SDK1: variants seen among roughly 807,000 people sequenced by gnomAD.
SDK1 encodes the protein protein sidekick-1.
In SDK1, 157 loss-of-function variants were observed where a neutral mutation model predicts 245.5. The ratio of observed to expected loss-of-function variants is 0.64; its 90% CI spans 0.56 to 0.73. The LOEUF is 0.73. Ranked by LOEUF, SDK1 falls within the 30% of genes least tolerant of loss-of-function variation. The probability of loss-of-function intolerance (pLI) is 0.00; values close to 1 mark genes in which losing one functional copy is unlikely to be tolerated. For synonymous variants in SDK1, 1,647 were observed against 1,278.5 expected (o/e 1.29, Z -6.15); for missense variants, 3,583 against 3,002.3 (o/e 1.19, Z -4.52).
At chr7:3,686,047 A>T (rs1784272053) in intron 4 of SDK1, among the ~76,000 whole-genome samples, 2 of 151,490 alleles carry the variant, frequency 1.3e-5, no homozygotes, top group Admixed American at 6.6e-5. Context: ...AAAGTAAAAG[A>T]CTAGAAAATG....
At chr7:3,767,240 G>C (rs1031396181) in intron 4 of SDK1, among the ~76,000 whole-genome samples, 1 of 152,154 alleles carries the variant, frequency 6.6e-6, no homozygotes, top group Non-Finnish European at 1.5e-5. Context: ...AAGACCACTC[G>C]TGGCTGCAGA....
Position 3,312,190 on chromosome 7 carries a change from C to T in SDK1, c.298+10306C>T, listed in dbSNP as rs116988640. Among the ~76,000 whole-genome samples the T allele has an allele frequency of 2.2e-3, 332 of 152,242 alleles. 2 individuals are homozygous for T. The highest frequency in any genetic ancestry group is 3.7e-3 in the Non-Finnish European group (254 of 68,022). The stretch of plus-strand genomic sequence containing the variant: ...TTAACATTTCTTATAGTGCAACTAA[C>T]CTTCAAGCTGAGACAAATTAGCATA... On this transcript the variant is annotated intron_variant, in intron 1 of 44. Coordinates refer to ENST00000404826, the MANE Select transcript of SDK1 (RefSeq NM_152744.4).
At chr7:3,460,427 A>G (rs1421240694) in intron 1 of SDK1, among the ~76,000 whole-genome samples, 1 of 152,198 alleles carries the variant, frequency 6.6e-6, no homozygotes, top group African/African-American at 2.4e-5. Context: ...TGAATTAAGA[A>G]TTGTCTTTGG....
chr7:3,910,746 A>G (rs1425132260), intron 5 of SDK1, among the ~76,000 whole-genome samples: 3 of 152,202 alleles, frequency 2.0e-5, no homozygotes, highest in African/African-American at 7.2e-5. Context: ...TGAAAGGCCA[A>G]TTCTTGGGCC....
chr7:4,241,835 A>G lies in SDK1; in HGVS notation c.6173A>G (p.Asn2058Ser), dbSNP rs1786540403. 7 of 1,614,058 alleles carry G rather than the reference A, an allele frequency of 4.3e-6. No homozygotes were observed. The South Asian group carries it at 4.4e-5, about 10-fold the overall frequency. Residue 2058 changes from asparagine to serine, a missense_variant, in exon 43 of 45, where the codon AAC becomes AGC. Physicochemically the swap from Asn to Ser is conservative, Grantham distance 46. Coordinates refer to ENST00000404826, the MANE Select transcript of SDK1 (RefSeq NM_152744.4). ...ATGGAGGAGTCTGTGACCCTGGACA[A>G]CGGAGGATTTGCTGCCCTGGAGCTC... ...STMEESVTLD[N>S]GGFAALELSS...
At chr7:4,035,638 T>C (rs1193433665) in intron 17 of SDK1, among the ~76,000 whole-genome samples, 1 of 152,174 alleles carries the variant, frequency 6.6e-6, no homozygotes, top group African/African-American at 2.4e-5. Context: ...AAGTCTGAAT[T>C]GGGACTATAA....
At chr7:3,318,376 C>G (rs1046932153) in intron 1 of SDK1, among the ~76,000 whole-genome samples, 20 of 152,182 alleles carry the variant, frequency 1.3e-4, no homozygotes, top group Non-Finnish European at 4.4e-5. Context: ...GTTTCAGGTG[C>G]TCATTTGTAA....
intron 4 of SDK1, among the ~76,000 whole-genome samples, chr7:3,709,049 T>C (rs1045596415): frequency 3.9e-5 from 6 of 152,238 alleles, no homozygotes; most frequent in Non-Finnish European, 8.8e-5. Context: ...GCTATTATGC[T>C]TTCAAGAAGT....
At chr7:3,530,038 A>T (rs1202896942) in intron 1 of SDK1, among the ~76,000 whole-genome samples, 1 of 152,188 alleles carries the variant, frequency 6.6e-6, no homozygotes, top group Non-Finnish European at 1.5e-5. Context: ...GAGTTCTAAG[A>T]ATGTAGTAAC....
intron 1 of SDK1, among the ~76,000 whole-genome samples, chr7:3,420,653 G>C (rs1779510251): frequency 6.6e-6 from 1 of 152,146 alleles, no homozygotes; most frequent in South Asian, 2.1e-4. Context: ...ATTATAGCAA[G>C]TTGTTATTTT....
At chr7:3,804,029 G>T (rs1262853953) in intron 4 of SDK1, among the ~76,000 whole-genome samples, 2 of 152,150 alleles carry the variant, frequency 1.3e-5, no homozygotes, top group African/African-American at 4.8e-5. Flanking sequence ...CTCCCAAAGT[G>T]CTGGGATTAC....
Position 4,010,528 on chromosome 7 carries a change from C to T in SDK1, c.2132-438C>T, listed in dbSNP as rs1036328814. ...ACAGCCCATCTGTCTTTATCATGCTCATTTCCTCTTTTATTAAAATGTTAA... is the reference window on the plus strand; with the variant it reads ...ACAGCCCATCTGTCTTTATCATGCTTATTTCCTCTTTTATTAAAATGTTAA... On this transcript the variant is annotated intron_variant, in intron 14 of 44. Coordinates refer to ENST00000404826, the MANE Select transcript of SDK1 (RefSeq NM_152744.4). Among the ~76,000 whole-genome samples the T allele has an allele frequency of 2.0e-5, 3 of 152,198 alleles. 1 individual carries two copies. The highest frequency in any genetic ancestry group is 1.3e-4 in the Admixed American group (2 of 15,286).
At chr7:4,023,453 A>G (rs960610039) in intron 17 of SDK1, among the ~76,000 whole-genome samples, 5 of 152,216 alleles carry the variant, frequency 3.3e-5, no homozygotes, top group Non-Finnish European at 7.3e-5. Context: ...AAACTCCAAC[A>G]GACTCAGTTC....
Position 3,471,519 on chromosome 7 carries a change from A to T in SDK1, c.299-147561A>T, listed in dbSNP as rs185435516. Among the ~76,000 whole-genome samples, 585 of 152,288 alleles carry T rather than the reference A, an allele frequency of 3.8e-3. 5 individuals carry two copies. The highest frequency in any genetic ancestry group is 5.9e-3 in the Non-Finnish European group (402 of 68,002). Reference sequence around the variant, plus strand: ...CTTGCTAATTAAGGAGTCATTAATAAAGTTAGCAATATGAGCCGTCAGTTT... The same window carrying T: ...CTTGCTAATTAAGGAGTCATTAATATAGTTAGCAATATGAGCCGTCAGTTT... On this transcript the variant is annotated intron_variant, in intron 1 of 44. Coordinates refer to ENST00000404826, the MANE Select transcript of SDK1 (RefSeq NM_152744.4).
chr7:3,650,573 G>A (rs1782982041), intron 4 of SDK1, among the ~76,000 whole-genome samples: 1 of 152,134 alleles, frequency 6.6e-6, no homozygotes, highest in Non-Finnish European at 1.5e-5. Context: ...GTTTTCCTGA[G>A]TGTTGAGATC....
At chr7:4,119,693 A>G (rs1276912864) in intron 25 of SDK1, among the ~76,000 whole-genome samples, 1 of 149,268 alleles carries the variant, frequency 6.7e-6, no homozygotes, top group Non-Finnish European at 1.5e-5. Context: ...GGCAATCAAC[A>G]GAAGCAAAAA....
At chr7:3,628,645 T>C (rs550556289) in intron 2 of SDK1, among the ~76,000 whole-genome samples, 6 of 152,344 alleles carry the variant, frequency 3.9e-5, no homozygotes, top group African/African-American at 1.4e-4. Context: ...ATTCTATGGC[T>C]GAGTCCTGTC....
At chr7:3,895,380 A>G (rs925744331) in intron 5 of SDK1, among the ~76,000 whole-genome samples, 3 of 152,240 alleles carry the variant, frequency 2.0e-5, no homozygotes, top group Non-Finnish European at 4.4e-5. Context: ...ACATCCATGT[A>G]TCAAAGCTCT....
chr7:3,742,063 A>G (rs1779492919), intron 4 of SDK1, among the ~76,000 whole-genome samples: 1 of 150,696 alleles, frequency 6.6e-6, no homozygotes, highest in Non-Finnish European at 1.5e-5. Flanking sequence ...TAGAAAAGAC[A>G]GAGCACAAAT....
Sources: gnomAD v4.1 joint callset for allele counts (sites outside exome capture counted in the v4.1 genomes callset) on GRCh38, gnomAD v4.1.1 for gene constraint, MANE v1.5 for transcripts, NCBI Gene and HGNC (gene_info 2026-07-23, HGNC 2026-07-21) for gene names.